Variants in ATAD2B observed in about 807,000 individuals in gnomAD.
The protein encoded by ATAD2B is ATPase family AAA domain containing 2B, also known as ATPase family AAA domain-containing protein 2B.
A neutral mutation model predicts 167.6 loss-of-function variants in ATAD2B; 40 were observed. That is an observed-to-expected ratio of 0.24 (90% CI 0.19 to 0.31). The LOEUF (loss-of-function observed/expected upper bound fraction) is 0.31. ATAD2B is among the 10% of genes least tolerant of loss of function. The pLI, the probability that ATAD2B is intolerant of heterozygous loss-of-function variation, is 1.00. For missense variants in ATAD2B, 1,242 were observed against 1,757.2 expected (o/e 0.71, Z 5.24); for synonymous variants, 579 against 596.5 (o/e 0.97, Z 0.43).
At chr2:23,883,660 A>G in intron 6 of ATAD2B, 1 of 1,234,000 alleles carries the variant, frequency 8.1e-7, no homozygotes, top group African/African-American at 1.6e-5. Flanking sequence ...ATATTTGCTC[A>G]ATAAAGTACC....
intron 7 of ATAD2B, among the ~76,000 whole-genome samples, chr2:23,878,125 C>T (rs1573203913): frequency 6.6e-6 from 1 of 151,540 alleles, no homozygotes; most frequent in African/African-American, 2.4e-5. Flanking sequence ...CTTTAGGAGG[C>T]CAACATGTGT....
At chr2:23,919,800 G>T (rs945602259) in intron 1 of ATAD2B, among the ~76,000 whole-genome samples, 2 of 146,466 alleles carry the variant, frequency 1.4e-5, no homozygotes, top group Non-Finnish European at 3.0e-5. Context: ...AGCTGAGGTC[G>T]CACCATTGTA....
the ATAD2B span, among the ~76,000 whole-genome samples, chr2:23,692,554 A>G: frequency 6.6e-6 from 1 of 152,218 alleles, no homozygotes; most frequent in Non-Finnish European, 1.5e-5. Context: ...GTGAGGACAG[A>G]GGGGCACCAA....
chr2:23,848,951 A>G (rs981054058), intron 13 of ATAD2B, among the ~76,000 whole-genome samples: 3 of 152,190 alleles, frequency 2.0e-5, no homozygotes, highest in Admixed American at 6.5e-5. Flanking sequence ...GTACATACAT[A>G]TAGTATATAT....
At position 23,792,962 on chromosome 2, in the gene ATAD2B, C is replaced by CAAAAAAAAAAA. The variant is rs36015161; in HGVS notation, c.2641-4326_2641-4316dup. Reference sequence around the variant, plus strand: ...TGGGCAACAGCGAGAGACTCTGTCTCAAAAAAAAAAAAAAAAAAAAAAAAA... The same window carrying CAAAAAAAAAAA: ...TGGGCAACAGCGAGAGACTCTGTCTCAAAAAAAAAAAAAAAAAAAAAAAAAAAAAAAAAAAA... On this transcript the variant is annotated intron_variant, in intron 19 of 27. Transcript: ENST00000238789. Among the ~76,000 whole-genome samples the CAAAAAAAAAAA allele has an allele frequency of 4.0e-4, 17 of 42,556 alleles. 3 individuals carry two copies. The highest frequency in any genetic ancestry group is 8.0e-4 in the African/African-American group (7 of 8,714). 27.9% of individuals were successfully genotyped at this position (42,556 alleles called of 152,430 possible). A position where few individuals can be genotyped will look rare whatever the true frequency, so the allele number is the denominator to read the frequency against.
intron 14 of ATAD2B, among the ~76,000 whole-genome samples, chr2:23,832,823 T>C (rs1237978472): frequency 6.6e-6 from 1 of 152,194 alleles, no homozygotes. Context: ...CATTTCCCAA[T>C]GTACTGAAGA....
the ATAD2B span, among the ~76,000 whole-genome samples, chr2:23,736,453 A>G: frequency 7.9e-5 from 12 of 152,234 alleles, no homozygotes; most frequent in Non-Finnish European, 1.6e-4. Context: ...TGGAGGAAAA[A>G]GAGACTATGC....
At chr2:23,800,576 T>C (rs913512227) in intron 18 of ATAD2B, among the ~76,000 whole-genome samples, 1 of 152,184 alleles carries the variant, frequency 6.6e-6, no homozygotes, top group Non-Finnish European at 1.5e-5. Flanking sequence ...GTTTGTTTTT[T>C]TCTGTTTCTT....
chr2:23,872,792 G>T, intron 8 of ATAD2B: 1 of 945,318 alleles, frequency 1.1e-6, no homozygotes, highest in Non-Finnish European at 1.7e-6. Flanking sequence ...CTGATCAATG[G>T]CATCTAGCAC....
At chr2:23,738,336 C>T in the ATAD2B span, among the ~76,000 whole-genome samples, 1 of 152,248 alleles carries the variant, frequency 6.6e-6, no homozygotes, top group Non-Finnish European at 1.5e-5. Flanking sequence ...GCCCATCAGA[C>T]TAACAGCTGA....
At chr2:23,926,297 C>A (rs2150751932) in intron 1 of ATAD2B, among the ~76,000 whole-genome samples, 1 of 152,318 alleles carries the variant, frequency 6.6e-6, no homozygotes, top group East Asian at 1.9e-4. Context: ...CGAATGACGC[C>A]GAAAGGGACC....
At chr2:23,745,088 C>A (rs1169383521), downstream of ATAD2B, among the ~76,000 whole-genome samples, 2 of 152,062 alleles carry the variant, frequency 1.3e-5, no homozygotes, top group African/African-American at 4.8e-5. Context: ...GAGTTCAAGA[C>A]CAGCCTGGCC....
At chr2:23,783,152 A>T (rs1178066229) in intron 21 of ATAD2B, 124 bp from the exon 22 acceptor site, 1 of 506,626 alleles carries the variant, frequency 2.0e-6, no homozygotes, top group Non-Finnish European at 3.2e-6. Context: ...TAATTTATAA[A>T]GATAAAATTG....
At chr2:23,806,737 A>C (rs1684455964) in intron 18 of ATAD2B, among the ~76,000 whole-genome samples, 1 of 152,176 alleles carries the variant, frequency 6.6e-6, no homozygotes, top group Non-Finnish European at 1.5e-5. Context: ...TAGTAGTAAT[A>C]AGCACGATTA....
At chr2:23,921,757 C>A (rs927763214) in intron 1 of ATAD2B, among the ~76,000 whole-genome samples, 1 of 152,106 alleles carries the variant, frequency 6.6e-6, no homozygotes, top group Non-Finnish European at 1.5e-5. Context: ...AACATTGTCA[C>A]GTTACAATAT....
the ATAD2B span, among the ~76,000 whole-genome samples, chr2:23,712,556 G>C: frequency 7.9e-5 from 12 of 152,280 alleles, no homozygotes; most frequent in Non-Finnish European, 1.8e-4. Flanking sequence ...GAGCAGAGGA[G>C]AGGGGAGAAC....
intron 1 of ATAD2B, among the ~76,000 whole-genome samples, chr2:23,919,082 C>G (rs1459655316): frequency 6.6e-6 from 1 of 152,116 alleles, no homozygotes; most frequent in Non-Finnish European, 1.5e-5. Context: ...GTGGTGCACA[C>G]CTGTAACCCT....
intron 3 of ATAD2B, 25 bp downstream of exon 3, chr2:23,888,325 A>C: frequency 6.7e-7 from 1 of 1,500,664 alleles, no homozygotes; most frequent in African/African-American, 1.4e-5. Flanking sequence ...TTTAAAACTA[A>C]CCAGTTTTAT....
At chr2:23,869,607 A>G in intron 9 of ATAD2B, 56 bp downstream of exon 9, 1 of 1,280,982 alleles carries the variant, frequency 7.8e-7, no homozygotes, top group East Asian at 2.5e-5. Flanking sequence ...ATCACTCAAA[A>G]AAAACTTATT....
Sources: gnomAD v4.1 joint callset for allele counts (sites outside exome capture counted in the v4.1 genomes callset) on GRCh38, gnomAD v4.1.1 for gene constraint, MANE v1.5 for transcripts, NCBI Gene and HGNC (gene_info 2026-07-23, HGNC 2026-07-21) for gene names.